The following AP1AR variants were observed in gnomAD, a reference collection of about 807,000 sequenced individuals.
AP1AR encodes the protein AP-1 complex-associated regulatory protein.
A neutral mutation model predicts 46.3 loss-of-function variants in AP1AR; 29 were observed. The observed-to-expected ratio is 0.63, with a 90% CI of 0.47 to 0.85. The LOEUF is 0.85. Among genes scored for constraint, AP1AR ranks in the 40% least tolerant of loss-of-function variants. AP1AR has a pLI of 0.00. For missense variants in AP1AR, 357 were observed against 356.3 expected, an observed-to-expected ratio of 1.00 and a Z score of -0.02; for synonymous variants, 122 against 122.9, an observed-to-expected ratio of 0.99 and a Z score of 0.05.
Position 112,272,887 on chromosome 4 carries a change from CG to C in AP1AR, c.*4479del, listed in dbSNP as rs1449748261. Reference sequence around the variant, plus strand: ...TTTTTCTAGCAGAGGCCAGAGGTTTCGTTTAACTATGTAAACATGTCCTAAT... The same window carrying C: ...TTTTTCTAGCAGAGGCCAGAGGTTTCTTTAACTATGTAAACATGTCCTAAT... On this transcript the variant is annotated 3_prime_UTR_variant, in exon 10 of 10. Coordinates refer to ENST00000274000, the MANE Select transcript of AP1AR (RefSeq NM_018569.6). 2 of 151,960 alleles carry C rather than the reference CG, an allele frequency of 1.3e-5. No homozygotes were observed. The highest frequency in any genetic ancestry group is 4.8e-5 in the African/African-American group (2 of 41,392). The allele number at this position is 151,960 out of a possible 1,614,324, so 9.4% of individuals were successfully genotyped here. A position where few individuals can be genotyped will look rare whatever the true frequency, so the allele number is the denominator to read the frequency against.
intron 4 of AP1AR, among the ~76,000 whole-genome samples, chr4:112,259,239 G>A (rs2110486764): frequency 6.6e-6 from 1 of 152,314 alleles, no homozygotes; most frequent in African/African-American, 2.4e-5. Flanking sequence ...TTGGAGTTAT[G>A]GGAGCAGAGG....
At chr4:112,252,322 A>G (rs1479501441) in intron 1 of AP1AR, among the ~76,000 whole-genome samples, 1 of 152,242 alleles carries the variant, frequency 6.6e-6, no homozygotes, top group Non-Finnish European at 1.5e-5. Flanking sequence ...CTTTCTGTCC[A>G]TGAATCCTGA....
chr4:112,257,810 TAAAAAA>T lies in AP1AR; in HGVS notation c.185+20_185+25del. 1 of 1,236,002 alleles carries T rather than the reference TAAAAAA, an allele frequency of 8.1e-7. No individual in the cohort carries two copies. 76.6% of individuals were successfully genotyped at this position (1,236,002 alleles called of 1,614,324 possible). On this transcript the variant is annotated intron_variant, in intron 4 of 9. Coordinates refer to ENST00000274000, the MANE Select transcript of AP1AR (RefSeq NM_018569.6). ...GAAGCAGTCATAGGTAAGGCTTTGTTAAAAAAAAAAAACAAAACTTCTATGCAAACT... is the reference window on the plus strand; with the variant it reads ...GAAGCAGTCATAGGTAAGGCTTTGTTAAAAAACAAAACTTCTATGCAAACT...
At chr4:112,266,747 A>T (rs1317225397) in intron 9 of AP1AR, 31 bp downstream of exon 9, 1 of 1,575,234 alleles carries the variant, frequency 6.3e-7, no homozygotes, top group Admixed American at 1.9e-5. Flanking sequence ...TTACCTGAAA[A>T]ATTTAACGTA....
chr4:112,264,326 G>A lies in AP1AR; in HGVS notation c.382-683G>A, dbSNP rs1012224570. Among the ~76,000 whole-genome samples the A allele has an allele frequency of 1.4e-4, 21 of 152,044 alleles. 1 individual carries two copies. The highest frequency in any genetic ancestry group is 1.9e-4 in the East Asian group (1 of 5,192). On this transcript the variant is annotated intron_variant, in intron 6 of 9. Transcript: ENST00000274000. ...GGATTCTCTGAGTTTTTCCTACCCT[G>A]GTTTAAATATTTGATGTAGGAACAC...
intron 3 of AP1AR, among the ~76,000 whole-genome samples, chr4:112,255,503 T>C (rs553420111): frequency 3.1e-4 from 47 of 152,312 alleles, no homozygotes; most frequent in African/African-American, 9.9e-4. Context: ...CTCCTCGGCT[T>C]GAGCAGTCCT....
At chr4:112,252,908 G>A (rs566728301) in intron 1 of AP1AR, among the ~76,000 whole-genome samples, 211 of 152,144 alleles carry the variant, frequency 1.4e-3, no homozygotes, top group African/African-American at 4.9e-3. Context: ...AAAATAATGA[G>A]ATACATTTTA....
intron 1 of AP1AR, among the ~76,000 whole-genome samples, chr4:112,252,098 G>A (rs1578412171): frequency 2.0e-5 from 3 of 152,118 alleles, no homozygotes; most frequent in Admixed American, 6.5e-5. Flanking sequence ...GTGAAGCCAA[G>A]CATGGTGGTG....
chr4:112,263,568 C>T (rs553146068), intron 6 of AP1AR, among the ~76,000 whole-genome samples: 1 of 151,216 alleles, frequency 6.6e-6, no homozygotes, highest in Non-Finnish European at 1.5e-5. Context: ...TGCTTCTCAT[C>T]TTTATTCTTG....
intron 1 of AP1AR, 29 bp downstream of exon 1, chr4:112,232,203 C>A: frequency 7.9e-7 from 1 of 1,262,942 alleles, no homozygotes; most frequent in Non-Finnish European, 1.0e-6. Flanking sequence ...GGGCCCGGCC[C>A]CCGTGGCTCC....
intron 1 of AP1AR, among the ~76,000 whole-genome samples, chr4:112,239,349 T>C (rs1403546154): frequency 6.6e-6 from 1 of 152,212 alleles, no homozygotes; most frequent in Non-Finnish European, 1.5e-5. Flanking sequence ...TCTTGAGAAG[T>C]GTTTCCTCAC....
chr4:112,242,912 A>G (rs115889489), intron 1 of AP1AR, among the ~76,000 whole-genome samples: 19 of 152,354 alleles, frequency 1.2e-4, no homozygotes, highest in African/African-American at 4.3e-4. Flanking sequence ...ATGAATGTCC[A>G]TGGATGACTT....
chr4:112,270,056 TA>T lies in AP1AR; in HGVS notation c.*1649del, dbSNP rs1331124641. 1.3e-5 allele frequency: 2 copies of T among 152,614 alleles called. No homozygotes were observed. Among genetic ancestry groups the T allele is most frequent in the Non-Finnish European group, 2.9e-5 (2 of 68,002 alleles). The allele number at this position is 152,614 out of a possible 1,614,324, so 9.5% of individuals were successfully genotyped here. On this transcript the variant is annotated 3_prime_UTR_variant, in exon 10 of 10. Transcript: ENST00000274000. ...AACACATTTTTACACTTAAAGGTAA[TA>T]AGTTATTTGACTATTATTGGTTTTA...
chr4:112,253,120 C>G (rs1464345638), intron 1 of AP1AR, 88 bp from the exon 2 acceptor site: 1 of 975,916 alleles, frequency 1.0e-6, no homozygotes, highest in Non-Finnish European at 1.5e-6. Flanking sequence ...TAAAGTTGCT[C>G]TTGAGGAAAT....
At position 112,272,671 on chromosome 4, in the gene AP1AR, A is replaced by T. The variant is rs1302266235; in HGVS notation, c.*4262A>T. 1.3e-5 allele frequency among the ~76,000 whole-genome samples: 2 copies of T among 152,172 alleles called. No homozygotes were observed. Among genetic ancestry groups the T allele is most frequent in the Non-Finnish European group, 2.9e-5 (2 of 68,024 alleles). The stretch of plus-strand genomic sequence containing the variant: ...GTCCCCCTTCGTTCCATCCAAGTGT[A>T]CTTTTTTTTGCTTCAATAAACTCTT... On this transcript the variant is annotated 3_prime_UTR_variant, in exon 10 of 10. Coordinates refer to ENST00000274000, the MANE Select transcript of AP1AR (RefSeq NM_018569.6).
At position 112,259,370 on chromosome 4, in the gene AP1AR, A is replaced by T. The variant is rs367846191; in HGVS notation, c.186-1396A>T. Among the ~76,000 whole-genome samples the T allele has an allele frequency of 1.8e-4, 27 of 152,302 alleles. 1 individual carries two copies. The highest frequency in any genetic ancestry group is 1.5e-3 in the East Asian group (8 of 5,178). ...AGATTCTGGCTTTGCCACATACTAT[A>T]TGACTTACTTAGCCATACTCTTAAT... On this transcript the variant is annotated intron_variant, in intron 4 of 9. Transcript: ENST00000274000.
chr4:112,252,734 A>G (rs1341755942), intron 1 of AP1AR, among the ~76,000 whole-genome samples: 1 of 152,226 alleles, frequency 6.6e-6, no homozygotes, highest in Non-Finnish European at 1.5e-5. Flanking sequence ...TTGAATAAAG[A>G]CACGTGATTC....
At chr4:112,235,462 A>G (rs564573305) in intron 1 of AP1AR, among the ~76,000 whole-genome samples, 1 of 152,212 alleles carries the variant, frequency 6.6e-6, no homozygotes, top group Non-Finnish European at 1.5e-5. Flanking sequence ...CTTTCAGGCA[A>G]TAGTTCACAG....
intron 1 of AP1AR, among the ~76,000 whole-genome samples, chr4:112,234,419 A>T (rs942101572): frequency 3.9e-5 from 6 of 152,204 alleles, no homozygotes; most frequent in Non-Finnish European, 7.3e-5. Context: ...TCTTTGAACA[A>T]GTCCTGTGGA....
Sources: allele counts gnomAD v4.1 joint callset (sites outside exome capture counted in the v4.1 genomes callset), GRCh38; gene constraint gnomAD v4.1.1; transcripts MANE v1.5; gene names NCBI Gene and HGNC (gene_info 2026-07-23, HGNC 2026-07-21).